The following MPRIP variants were observed in gnomAD, a reference collection of about 807,000 sequenced individuals.
MPRIP encodes myosin phosphatase Rho interacting protein.
A neutral mutation model predicts 234.9 loss-of-function variants in MPRIP; 59 were observed. The ratio of observed to expected loss-of-function variants is 0.25; its 90% CI spans 0.20 to 0.31. The LOEUF (loss-of-function observed/expected upper bound fraction) is 0.31. Ranked by LOEUF, MPRIP falls within the 10% of genes least tolerant of loss-of-function variation. MPRIP has a pLI of 1.00. For synonymous variants in MPRIP, 1,144 were observed against 1,263.9 expected, an observed-to-expected ratio of 0.91 and a Z score of 2.01; for missense variants, 2,436 against 3,071.0, an observed-to-expected ratio of 0.79 and a Z score of 4.89.
At chr17:17,110,676 A>G (rs1441276414) in intron 3 of MPRIP, among the ~76,000 whole-genome samples, 4 of 152,174 alleles carry the variant, frequency 2.6e-5, no homozygotes, top group Admixed American at 2.6e-4. Flanking sequence ...TGGGAAGAGA[A>G]GGGGTATCAC....
intron 14 of MPRIP, among the ~76,000 whole-genome samples, chr17:17,160,759 C>T (rs1000802232): frequency 2.6e-5 from 4 of 152,214 alleles, no homozygotes; most frequent in African/African-American, 7.2e-5. Context: ...CTTGGGGCCA[C>T]CACTCACAGT....
At chr17:17,184,693 A>G (rs1413941232) in intron 23 of MPRIP, 130 bp from the exon 24 acceptor site, 3 of 623,542 alleles carry the variant, frequency 4.8e-6, no homozygotes, top group Non-Finnish European at 9.0e-6. Flanking sequence ...TGGCATGCCC[A>G]CTAACCGCAC....
intron 3 of MPRIP, among the ~76,000 whole-genome samples, chr17:17,122,029 A>G (rs1349108790): frequency 1.3e-5 from 2 of 152,182 alleles, no homozygotes; most frequent in African/African-American, 2.4e-5. Context: ...TCCATGGTGT[A>G]TATATATCAC....
chr17:17,086,497 T>C (rs2089594422), intron 3 of MPRIP, among the ~76,000 whole-genome samples: 2 of 152,222 alleles, frequency 1.3e-5, no homozygotes, highest in African/African-American at 4.8e-5. Flanking sequence ...TGTGCGATGC[T>C]CTTTTCAGCA....
intron 1 of MPRIP, among the ~76,000 whole-genome samples, chr17:17,044,465 C>G (rs2088281882): frequency 2.0e-5 from 3 of 152,158 alleles, no homozygotes; most frequent in Non-Finnish European, 4.4e-5. Context: ...AATTGGGAAT[C>G]CTGGTCCCTG....
intron 13 of MPRIP, among the ~76,000 whole-genome samples, chr17:17,156,724 C>G (rs892914336): frequency 6.6e-6 from 1 of 152,206 alleles, no homozygotes; most frequent in Admixed American, 6.5e-5. Flanking sequence ...ATGCCCTGCC[C>G]TATGTGTCAT....
At chr17:17,170,263 G>A (rs1018916078) in intron 16 of MPRIP, 6 of 151,076 alleles carry the variant, frequency 4.0e-5, no homozygotes, top group African/African-American at 7.3e-5. Flanking sequence ...CATACAAACA[G>A]AAGCGAGTGG....
intron 9 of MPRIP, 70 bp from the exon 10 acceptor site, chr17:17,145,966 C>T: frequency 2.1e-6 from 3 of 1,431,160 alleles, no homozygotes; most frequent in Non-Finnish European, 2.9e-6. Context: ...GACAGAAATA[C>T]TGGCCCCATC....
At position 17,137,995 on chromosome 17, in the gene MPRIP, G is replaced by A; in HGVS notation, c.816G>A (p.Lys272=). The change falls in exon 7 of 24, where the codon AAG becomes AAA. Residue 272 remains lysine, a synonymous_variant. Transcript: ENST00000651222. ...AGAGCGGCTACTTCTCTCTGGAGAA[G>A]ACCAAACAGGACTTGAAGGCTGAAG... ...RVESGYFSLE[K]TKQDLKAEEQ... 3 of 1,612,632 alleles carry A rather than the reference G, an allele frequency of 1.9e-6. No homozygotes were observed. The highest frequency in any genetic ancestry group is 2.2e-5 in the South Asian group (2 of 91,004).
chr17:17,150,847 T>C (rs1453569881), intron 12 of MPRIP, among the ~76,000 whole-genome samples: 1 of 151,846 alleles, frequency 6.6e-6, no homozygotes, highest in Non-Finnish European at 1.5e-5. Context: ...TCTGCCTCCA[T>C]TTCTTTTTTT....
intron 1 of MPRIP, among the ~76,000 whole-genome samples, chr17:17,070,576 G>T (rs185557733): frequency 6.6e-6 from 1 of 152,028 alleles, no homozygotes; most frequent in African/African-American, 2.4e-5. Context: ...TTCAGTTACC[G>T]TATTTTTCAA....
At chr17:17,130,247 G>A (rs974220114) in intron 4 of MPRIP, among the ~76,000 whole-genome samples, 2 of 152,074 alleles carry the variant, frequency 1.3e-5, no homozygotes, top group African/African-American at 2.4e-5. Flanking sequence ...GGCCTCTGCC[G>A]CCACCACCTG....
At chr17:17,045,427 A>C (rs1017830205) in intron 1 of MPRIP, among the ~76,000 whole-genome samples, 9 of 152,172 alleles carry the variant, frequency 5.9e-5, no homozygotes, top group African/African-American at 2.2e-4. Flanking sequence ...GAGATCAGCT[A>C]ATGTAACCAC....
In MPRIP at chr17:17,136,180, C is replaced by T. The variant is rs112130711; in HGVS notation, c.505-39C>T. The T allele has an allele frequency of 2.0e-3, 3,231 of 1,612,104 alleles. 59 individuals are homozygous for T. The African/African-American group carries it at 0.039, about 19-fold the overall frequency. On this transcript the variant is annotated intron_variant, in intron 5 of 23. Coordinates refer to ENST00000651222, the MANE Select transcript of MPRIP (RefSeq NM_001364716.4). ...CCTGTGACCCAACCTGAGCTGTGTG[C>T]TCCTGCACCTTCACAGACACCACTT...
In MPRIP at chr17:17,042,460, G is replaced by C. The variant is rs1422677825; in HGVS notation, c.-389G>C. ...GCCCGCCCGCCCGCCCGCCCCCGTA[G>C]TGCGTGAGGCGCTCCGGTCCCATTT... On this transcript the variant is annotated 5_prime_UTR_variant, in exon 1 of 24. Coordinates refer to ENST00000651222, the MANE Select transcript of MPRIP (RefSeq NM_001364716.4). 2.0e-5 allele frequency: 3 copies of C among 146,396 alleles called. No homozygotes were observed. Among genetic ancestry groups the C allele is most frequent in the Non-Finnish European group, 4.6e-5 (3 of 65,764 alleles). The allele number at this position is 146,396 out of a possible 1,614,324, so 9.1% of individuals were successfully genotyped here.
chr17:17,057,576 A>G (rs2088740480), intron 1 of MPRIP: 1 of 717,288 alleles, frequency 1.4e-6, no homozygotes, highest in South Asian at 1.5e-5. Context: ...CTAGAGGGAA[A>G]AGGCCTTTGC....
At chr17:17,079,554 G>GT (rs1302672673) in intron 3 of MPRIP, among the ~76,000 whole-genome samples, 22 of 152,322 alleles carry the variant, frequency 1.4e-4, no homozygotes, top group Admixed American at 5.2e-4. Context: ...CAGCTGTGAG[G>GT]TTTATCTTGC....
chr17:17,192,206 T>A lies in MPRIP; in HGVS notation c.*7312T>A, dbSNP rs1009662776. 3 of 152,218 alleles carry A rather than the reference T, an allele frequency of 2.0e-5. No homozygotes were observed. Among genetic ancestry groups the A allele is most frequent in the Admixed American group, 2.0e-4 (3 of 15,278 alleles). The allele number at this position is 152,218 out of a possible 1,614,324, so 9.4% of individuals were successfully genotyped here. A position where few individuals can be genotyped will look rare whatever the true frequency, so the allele number is the denominator to read the frequency against. On this transcript the variant is annotated 3_prime_UTR_variant, in exon 24 of 24. Transcript: ENST00000651222. ...ACATGATGAAAAGAAGCAGCTTGTATAATTCCAACTGGTGTTTCATTTCTG... is the reference window on the plus strand; with the variant it reads ...ACATGATGAAAAGAAGCAGCTTGTAAAATTCCAACTGGTGTTTCATTTCTG...
intron 4 of MPRIP, among the ~76,000 whole-genome samples, chr17:17,130,546 G>A (rs77600004): frequency 0.025 from 3,778 of 152,014 alleles, 163 homozygotes; most frequent in African/African-American, 0.085. Context: ...TGCTGCACCC[G>A]TGTGATCTCT....
Sources: gnomAD v4.1 joint callset for allele counts (sites outside exome capture counted in the v4.1 genomes callset) on GRCh38, gnomAD v4.1.1 for gene constraint, MANE v1.5 for transcripts, NCBI Gene and HGNC (gene_info 2026-07-23, HGNC 2026-07-21) for gene names.